Variants in ZDHHC3 observed in about 807,000 individuals in gnomAD.
ZDHHC3 encodes the protein zDHHC palmitoyltransferase 3, also known as palmitoyltransferase ZDHHC3.
In ZDHHC3, 9 loss-of-function variants were observed where a neutral mutation model predicts 30.6. The ratio of observed to expected loss-of-function variants is 0.29; its 90% CI spans 0.18 to 0.51. The LOEUF (loss-of-function observed/expected upper bound fraction) is 0.51. Among genes scored for constraint, ZDHHC3 ranks in the 20% least tolerant of loss-of-function variants. The pLI is 0.97. For missense variants in ZDHHC3, 246 were observed against 384.2 expected, an observed-to-expected ratio of 0.64 and a Z score of 3.01; for synonymous variants, 136 against 140.2, an observed-to-expected ratio of 0.97 and a Z score of 0.21.
At chr3:44,969,261 G>A (rs1352984129) in intron 1 of ZDHHC3, among the ~76,000 whole-genome samples, 1 of 152,150 alleles carries the variant, frequency 6.6e-6, no homozygotes, top group African/African-American at 2.4e-5. Flanking sequence ...TGAATGTAGG[G>A]TGGGGCCCTG....
chr3:44,932,732 A>C (rs1486785416), intron 5 of ZDHHC3, among the ~76,000 whole-genome samples: 1 of 152,242 alleles, frequency 6.6e-6, no homozygotes, highest in East Asian at 1.9e-4. Flanking sequence ...GAATCTCTGC[A>C]AGACTGGAAT....
chr3:44,931,906 T>C (rs751358134), intron 5 of ZDHHC3, among the ~76,000 whole-genome samples: 1 of 152,168 alleles, frequency 6.6e-6, no homozygotes, highest in East Asian at 1.9e-4. Context: ...GGCGAAACAA[T>C]GCACTGCTCA....
chr3:44,925,645 C>G lies in ZDHHC3; in HGVS notation c.*1044G>C. 1 of 985,460 alleles carries G rather than the reference C, an allele frequency of 1.0e-6. No homozygotes were observed. Among genetic ancestry groups the G allele is most frequent in the Non-Finnish European group, 1.2e-6 (1 of 829,936 alleles). 61.0% of individuals were successfully genotyped at this position (985,460 alleles called of 1,614,324 possible). ...GAGGTAACCCCAGCATCATGGTCATCTCCATGCCAGGACAACAGTCTCCCA... is the reference window on the plus strand; with the variant it reads ...GAGGTAACCCCAGCATCATGGTCATGTCCATGCCAGGACAACAGTCTCCCA... On this transcript the variant is annotated 3_prime_UTR_variant, in exon 7 of 7. Coordinates refer to ENST00000424952, the MANE Select transcript of ZDHHC3 (RefSeq NM_001135179.2).
Position 44,923,556 on chromosome 3 carries a change from C to A in ZDHHC3, c.*3133G>T. On this transcript the variant is annotated 3_prime_UTR_variant, in exon 7 of 7. Coordinates refer to ENST00000424952, the MANE Select transcript of ZDHHC3 (RefSeq NM_001135179.2). ...GTGGCTCACGCCTGTAATCCCAGGA[C>A]TTTGGGAGGCTAAGGCAGGAAAATT... 3.0e-6 allele frequency: 3 copies of A among 984,668 alleles called. No homozygotes were observed. Among genetic ancestry groups the A allele is most frequent in the Non-Finnish European group, 3.6e-6 (3 of 829,276 alleles). The allele number at this position is 984,668 out of a possible 1,614,324, so 61.0% of individuals were successfully genotyped here. A position where few individuals can be genotyped will look rare whatever the true frequency, so the allele number is the denominator to read the frequency against.
intron 2 of ZDHHC3, among the ~76,000 whole-genome samples, chr3:44,953,736 G>A (rs1195946936): frequency 1.3e-5 from 2 of 152,202 alleles, no homozygotes; most frequent in African/African-American, 4.8e-5. Flanking sequence ...TCTGAAGCCA[G>A]AAAGCTTTTC....
In ZDHHC3 at chr3:44,920,400, C is replaced by T. The variant is rs1700511110; in HGVS notation, c.*6289G>A. The T allele has an allele frequency of 4.7e-6, 6 of 1,277,516 alleles. No individual in the cohort carries two copies. The highest frequency in any genetic ancestry group is 1.5e-5 in the African/African-American group (1 of 65,750). 79.1% of individuals were successfully genotyped at this position (1,277,516 alleles called of 1,614,324 possible). A position where few individuals can be genotyped will look rare whatever the true frequency, so the allele number is the denominator to read the frequency against. On this transcript the variant is annotated 3_prime_UTR_variant, in exon 7 of 7. Coordinates refer to ENST00000424952, the MANE Select transcript of ZDHHC3 (RefSeq NM_001135179.2). ...CTGGGACATCACCATATGGCAGACC[C>T]GGCTACAGAGGAAACACCCAAAAAT...
chr3:44,953,144 A>C (rs1703617707), intron 2 of ZDHHC3, among the ~76,000 whole-genome samples: 1 of 152,238 alleles, frequency 6.6e-6, no homozygotes, highest in Non-Finnish European at 1.5e-5. Flanking sequence ...CATTTTAAAC[A>C]TGAGGTAACA....
rs1700481556 is a variant in ZDHHC3, at chr3:44,920,031, G to A, written c.*6658C>T. ...TTACATGACATTAGAACATTTGTCT[G>A]AGTGGTTACTTTTGGGGATGGAATT... On this transcript the variant is annotated 3_prime_UTR_variant, in exon 7 of 7. Coordinates refer to ENST00000424952, the MANE Select transcript of ZDHHC3 (RefSeq NM_001135179.2). The A allele has an allele frequency of 1.2e-5, 14 of 1,176,840 alleles. No homozygotes were observed. The highest frequency in any genetic ancestry group is 1.4e-5 in the Non-Finnish European group (13 of 933,444). The allele number at this position is 1,176,840 out of a possible 1,614,324, so 72.9% of individuals were successfully genotyped here. A position where few individuals can be genotyped will look rare whatever the true frequency, so the allele number is the denominator to read the frequency against.
At chr3:44,938,837 C>CACG (rs1702198825) in intron 3 of ZDHHC3, among the ~76,000 whole-genome samples, 1 of 152,200 alleles carries the variant, frequency 6.6e-6, no homozygotes, top group African/African-American at 2.4e-5. Context: ...AGTCCTCCAC[C>CACG]ACGGTGCTCA....
In ZDHHC3 at chr3:44,917,904, T is replaced by A. The variant is rs1382807279; in HGVS notation, c.*8785A>T. 1 of 1,303,158 alleles carries A rather than the reference T, an allele frequency of 7.7e-7. No homozygotes were observed. Among genetic ancestry groups the A allele is most frequent in the South Asian group, 1.2e-5 (1 of 81,028 alleles). 80.7% of individuals were successfully genotyped at this position (1,303,158 alleles called of 1,614,324 possible). ...CTCCCCACAGCAGCATCTATTCATC[T>A]GTCACCTCCACAGAGTCCTCGTCCT... On this transcript the variant is annotated 3_prime_UTR_variant, in exon 7 of 7. Transcript: ENST00000424952.
chr3:44,948,530 C>A (rs148800990), intron 2 of ZDHHC3, among the ~76,000 whole-genome samples: 1 of 152,302 alleles, frequency 6.6e-6, no homozygotes, highest in African/African-American at 2.4e-5. Context: ...GCGATGGGAG[C>A]CCAGGCCTCA....
intron 3 of ZDHHC3, among the ~76,000 whole-genome samples, chr3:44,942,653 C>T (rs146043651): frequency 2.0e-5 from 3 of 152,342 alleles, no homozygotes; most frequent in African/African-American, 7.2e-5. Flanking sequence ...TCCCTAACTC[C>T]ATACACATTC....
chr3:44,963,378 C>A (rs144504278), intron 1 of ZDHHC3, among the ~76,000 whole-genome samples: 1 of 151,972 alleles, frequency 6.6e-6, no homozygotes, highest in African/African-American at 2.4e-5. Flanking sequence ...CCATCAAAAC[C>A]AAGAAAGGCA....
intron 6 of ZDHHC3, among the ~76,000 whole-genome samples, chr3:44,928,018 G>C (rs565760112): frequency 5.3e-5 from 8 of 152,220 alleles, no homozygotes; most frequent in African/African-American, 1.9e-4. Context: ...GACTGGGGCC[G>C]TGAGAGCTTG....
intron 3 of ZDHHC3, chr3:44,937,781 G>A: frequency 2.7e-6 from 1 of 363,726 alleles, no homozygotes; most frequent in South Asian, 2.4e-5. Context: ...CCCGCCGCAT[G>A]GGTCTGTCCC....
Position 44,925,835 on chromosome 3 carries a change from A to G in ZDHHC3, c.*854T>C, listed in dbSNP as rs1477948327. ...TCAGAATTCACACTGCTTAATTGAC[A>G]TCTTGCTGGGGAAGAGAGGGAGATG... On this transcript the variant is annotated 3_prime_UTR_variant, in exon 7 of 7. Coordinates refer to ENST00000424952, the MANE Select transcript of ZDHHC3 (RefSeq NM_001135179.2). The G allele has an allele frequency of 1.0e-6, 1 of 985,764 alleles. No individual in the cohort carries two copies. The highest frequency in any genetic ancestry group is 1.2e-6 in the Non-Finnish European group (1 of 829,942). 61.1% of individuals were successfully genotyped at this position (985,764 alleles called of 1,614,324 possible). A position where few individuals can be genotyped will look rare whatever the true frequency, so the allele number is the denominator to read the frequency against.
chr3:44,963,961 T>C (rs1249259860), intron 1 of ZDHHC3, among the ~76,000 whole-genome samples: 1 of 152,226 alleles, frequency 6.6e-6, no homozygotes, highest in African/African-American at 2.4e-5. Context: ...TGGACAATAA[T>C]GTGTGTGTGC....
At chr3:44,963,499 G>T (rs1704656623) in intron 1 of ZDHHC3, among the ~76,000 whole-genome samples, 4 of 65,412 alleles carry the variant, frequency 6.1e-5, no homozygotes, top group African/African-American at 2.0e-4. Context: ...GAGAAATATG[G>T]CAAAAAAAAA....
In ZDHHC3 at chr3:44,926,380, G is replaced by A. The variant is rs990542709; in HGVS notation, c.*309C>T. 5.7e-5 allele frequency: 61 copies of A among 1,078,346 alleles called. No homozygotes were observed. Among genetic ancestry groups the A allele is most frequent in the Middle Eastern group, 4.2e-4 (1 of 2,392 alleles). The allele number at this position is 1,078,346 out of a possible 1,614,324, so 66.8% of individuals were successfully genotyped here. A position where few individuals can be genotyped will look rare whatever the true frequency, so the allele number is the denominator to read the frequency against. ...ACTCAGTTAGTAGAATGGGCACAGC[G>A]CGAGACAGCGCCCTCTACATTAGTC... On this transcript the variant is annotated 3_prime_UTR_variant, in exon 7 of 7. Coordinates refer to ENST00000424952, the MANE Select transcript of ZDHHC3 (RefSeq NM_001135179.2).
Sources: gnomAD v4.1 joint callset for allele counts (sites outside exome capture counted in the v4.1 genomes callset) on GRCh38, gnomAD v4.1.1 for gene constraint, MANE v1.5 for transcripts, NCBI Gene and HGNC (gene_info 2026-07-23, HGNC 2026-07-21) for gene names.